Variants in LIPA observed in about 807,000 individuals in gnomAD.
The protein encoded by LIPA is lysosomal acid lipase/cholesteryl ester hydrolase.
LIPA carries 26 observed loss-of-function variants against 40.6 expected under a neutral mutation model. That is an observed-to-expected ratio of 0.64 (90% confidence interval 0.47 to 0.89). The LOEUF is 0.89. LIPA is among the 40% of genes least tolerant of loss of function. The probability of loss-of-function intolerance (pLI) is 0.00; values close to 1 mark genes in which losing one functional copy is unlikely to be tolerated. For missense variants in LIPA, 455 were observed against 479.6 expected, an observed-to-expected ratio of 0.95 and a Z score of 0.48; for synonymous variants, 188 against 168.4, an observed-to-expected ratio of 1.12 and a Z score of -0.90.
At chr10:89,305,107 G>GA (rs200621083) in intron 1 of LIPA, among the ~76,000 whole-genome samples, 3 of 150,726 alleles carry the variant, frequency 2.0e-5, no homozygotes, top group African/African-American at 4.9e-5. Flanking sequence ...GGGAGGGGAG[G>GA]AAAAAAAATT....
intron 1 of LIPA, chr10:89,292,191 C>T (rs962625096): frequency 6.6e-6 from 1 of 152,184 alleles, no homozygotes; most frequent in African/African-American, 2.4e-5. Context: ...TCTGTGATAG[C>T]AATATTTCTT....
intron 2 of LIPA, among the ~76,000 whole-genome samples, chr10:89,388,112 T>TC (rs2133607399): frequency 6.9e-6 from 1 of 144,666 alleles, no homozygotes; most frequent in South Asian, 2.5e-4. Context: ...GGAAAAAAAT[T>TC]CTTTTTTTTT....
intron 1 of LIPA, among the ~76,000 whole-genome samples, chr10:89,285,898 C>T (rs1258285178): frequency 1.3e-5 from 2 of 151,944 alleles, no homozygotes; most frequent in East Asian, 3.9e-4. Flanking sequence ...GGACTTGCCT[C>T]CTTCACTATA....
Position 89,214,785 on chromosome 10 carries a change from G to T in LIPA, c.*43C>A. ...AAATGAAGCAAACACATTTTCACATGACATAATCATTGACTTGGTGGTACA... is the reference window on the plus strand; with the variant it reads ...AAATGAAGCAAACACATTTTCACATTACATAATCATTGACTTGGTGGTACA... On this transcript the variant is annotated 3_prime_UTR_variant, in exon 10 of 10. Coordinates refer to ENST00000336233, the MANE Select transcript of LIPA (RefSeq NM_000235.4). The T allele has an allele frequency of 1.7e-6, 2 of 1,166,246 alleles. No individual in the cohort carries two copies. Among genetic ancestry groups the T allele is most frequent in the Non-Finnish European group, 2.6e-6 (2 of 774,362 alleles). The allele number at this position is 1,166,246 out of a possible 1,614,324, so 72.2% of individuals were successfully genotyped here.
chr10:89,318,434 C>G (rs1439582976), intron 1 of LIPA, among the ~76,000 whole-genome samples: 2 of 152,122 alleles, frequency 1.3e-5, no homozygotes, highest in African/African-American at 4.8e-5. Context: ...ATAAAACAGA[C>G]TTTAACCAAC....
intron 3 of LIPA, among the ~76,000 whole-genome samples, chr10:89,230,815 C>T (rs751603684): frequency 3.9e-5 from 6 of 152,140 alleles, no homozygotes; most frequent in Non-Finnish European, 8.8e-5. Flanking sequence ...TAAGAGTTCA[C>T]TATATATCAA....
chr10:89,226,878 C>T lies in LIPA; in HGVS notation c.538+17G>A, dbSNP rs754422331. ...TGAAGAATTTATATCAACTTCTGAT[C>T]TTATTTACATACATACCTATAGTGG... On this transcript the variant is annotated intron_variant, in intron 5 of 9. Transcript: ENST00000336233. 2.2e-6 allele frequency: 3 copies of T among 1,361,408 alleles called. No homozygotes were observed. The highest frequency in any genetic ancestry group is 2.3e-5 in the South Asian group (2 of 85,898). The allele number at this position is 1,361,408 out of a possible 1,614,324, so 84.3% of individuals were successfully genotyped here.
At chr10:89,344,900 A>T (rs1715577024), upstream of LIPA, among the ~76,000 whole-genome samples, 1 of 152,198 alleles carries the variant, frequency 6.6e-6, no homozygotes, top group African/African-American at 2.4e-5. Context: ...AATAGAGAAT[A>T]AAAAAGAATG....
chr10:89,363,670 G>A (rs752144333), intron 2 of LIPA, among the ~76,000 whole-genome samples: 3 of 151,646 alleles, frequency 2.0e-5, no homozygotes, highest in Admixed American at 6.6e-5. Context: ...CCAGCTACTC[G>A]GGAGGCTGAG....
At chr10:89,412,772 A>G (rs1275573629) in intron 2 of LIPA, 4 of 431,968 alleles carry the variant, frequency 9.3e-6, no homozygotes, top group Admixed American at 2.6e-5. Context: ...TCCTGAAGTC[A>G]GCAAGACCAC....
intron 2 of LIPA, among the ~76,000 whole-genome samples, chr10:89,376,460 T>C (rs958392243): frequency 1.3e-5 from 2 of 152,220 alleles, no homozygotes; most frequent in Non-Finnish European, 2.9e-5. Flanking sequence ...GTAGTCCTTC[T>C]TGTCTATATA....
At chr10:89,359,449 T>C (rs1844007566) in intron 2 of LIPA, among the ~76,000 whole-genome samples, 1 of 152,248 alleles carries the variant, frequency 6.6e-6, no homozygotes. Flanking sequence ...CACGAAATCA[T>C]GTTAATCCTA....
At chr10:89,250,143 A>G (rs1165295519) in intron 1 of LIPA, among the ~76,000 whole-genome samples, 6 of 111,446 alleles carry the variant, frequency 5.4e-5, no homozygotes, top group Non-Finnish European at 8.6e-5. Context: ...TCTGTCCCCC[A>G]GGCTGGAGTA....
chr10:89,312,299 G>A (rs1258392122), intron 1 of LIPA, among the ~76,000 whole-genome samples: 2 of 151,988 alleles, frequency 1.3e-5, no homozygotes, highest in African/African-American at 4.8e-5. Context: ...AACTTAGCTG[G>A]GCTTGGTGGC....
chr10:89,304,476 A>G (rs956898396), intron 1 of LIPA, among the ~76,000 whole-genome samples: 1 of 152,222 alleles, frequency 6.6e-6, no homozygotes, highest in Non-Finnish European at 1.5e-5. Flanking sequence ...TCTTCTATCT[A>G]GACATATGTT....
chr10:89,247,384 A>G, intron 2 of LIPA, among the ~76,000 whole-genome samples, 154 bp downstream of exon 2: 1 of 29,028 alleles, frequency 3.4e-5, no homozygotes, highest in Non-Finnish European at 6.3e-5. Flanking sequence ...TGCCTCAAAA[A>G]AAAAAAAAAA....
At chr10:89,387,313 G>A (rs1416236039) in intron 2 of LIPA, among the ~76,000 whole-genome samples, 1 of 124,592 alleles carries the variant, frequency 8.0e-6, no homozygotes, top group Non-Finnish European at 1.7e-5. Flanking sequence ...GCAAGACTCC[G>A]TCTCAAAAAA....
intron 2 of LIPA, among the ~76,000 whole-genome samples, chr10:89,357,222 CA>C (rs975536186): frequency 6.6e-6 from 1 of 152,176 alleles, no homozygotes; most frequent in African/African-American, 2.4e-5. Flanking sequence ...TATACCATAG[CA>C]GTGCTATTTA....
intron 9 of LIPA, among the ~76,000 whole-genome samples, chr10:89,215,308 A>C (rs1842610588): frequency 6.6e-6 from 1 of 152,232 alleles, no homozygotes; most frequent in South Asian, 2.1e-4. Context: ...GCTGGGCACC[A>C]AAATGAATGT....
Sources: allele counts gnomAD v4.1 joint callset (sites outside exome capture counted in the v4.1 genomes callset), GRCh38; gene constraint gnomAD v4.1.1; transcripts MANE v1.5; gene names NCBI Gene and HGNC (gene_info 2026-07-23, HGNC 2026-07-21).